GNA14: variants seen among roughly 807,000 people sequenced by gnomAD.
GNA14 encodes the protein G protein subunit alpha 14.
A neutral mutation model predicts 42.0 loss-of-function variants in GNA14; 50 were observed. That is an observed-to-expected ratio of 1.19 (90% CI 0.95 to 1.51). The LOEUF (loss-of-function observed/expected upper bound fraction) is 1.51, where lower values mean the gene tolerates loss of function less well. GNA14 is among the 40% of genes most tolerant of loss of function. The pLI, the probability that GNA14 is intolerant of heterozygous loss-of-function variation, is 0.00. For missense variants in GNA14, 473 were observed against 446.2 expected, an observed-to-expected ratio of 1.06 and a Z score of -0.54; for synonymous variants, 173 against 163.1, an observed-to-expected ratio of 1.06 and a Z score of -0.46.
intron 2 of GNA14, among the ~76,000 whole-genome samples, chr9:77,487,363 A>T (rs892090371): frequency 3.9e-5 from 6 of 152,202 alleles, no homozygotes; most frequent in African/African-American, 1.2e-4. Flanking sequence ...CAGAATTTTT[A>T]AAAATATTAT....
chr9:77,434,684 C>A (rs995507660), intron 2 of GNA14, among the ~76,000 whole-genome samples, 162 bp from the exon 3 acceptor site: 2 of 152,160 alleles, frequency 1.3e-5, no homozygotes, highest in Admixed American at 1.3e-4. Flanking sequence ...CCAAGACACC[C>A]ACTGCAGCCA....
chr9:77,442,069 A>C lies in GNA14; in HGVS notation c.310-7547T>G, dbSNP rs568115602. ...CAAAATATTTTGCAAATATGCTTGA[A>C]AGTAGTAGAAAGCTAATGCAGGCCT... is the stretch of plus-strand genomic sequence containing the variant. On this transcript the variant is annotated intron_variant, in intron 2 of 6. Transcript: ENST00000341700. 2.0e-5 allele frequency among the ~76,000 whole-genome samples: 3 copies of C among 152,356 alleles called. No homozygotes were observed. In the South Asian group the frequency reaches 6.2e-4, roughly 32 times the overall value.
intron 2 of GNA14, among the ~76,000 whole-genome samples, chr9:77,501,623 A>G (rs1836972264): frequency 6.6e-6 from 1 of 151,792 alleles, no homozygotes; most frequent in Non-Finnish European, 1.5e-5. Flanking sequence ...TGGCTTGGAA[A>G]TATTTTCTCC....
chr9:77,477,230 A>C (rs902753704), intron 2 of GNA14, among the ~76,000 whole-genome samples: 5 of 152,070 alleles, frequency 3.3e-5, no homozygotes, highest in Non-Finnish European at 5.9e-5. Context: ...GCTGGCGTGC[A>C]CCAGTACTCA....
At chr9:77,634,695 TC>T (rs1286469137) in intron 1 of GNA14, among the ~76,000 whole-genome samples, 2 of 152,238 alleles carry the variant, frequency 1.3e-5, no homozygotes, top group African/African-American at 2.4e-5. Flanking sequence ...AGGCCTGTGT[TC>T]CTTTTATGAA....
chr9:77,429,071 G>A, intron 4 of GNA14, 35 bp from the exon 5 acceptor site: 1 of 1,610,016 alleles, frequency 6.2e-7, no homozygotes, highest in Non-Finnish European at 8.5e-7. Flanking sequence ...TCAAAGGTTG[G>A]AATACATGAC....
At chr9:77,580,334 T>C in intron 1 of GNA14, 1 of 344,674 alleles carries the variant, frequency 2.9e-6, no homozygotes, top group Non-Finnish European at 6.1e-6. Context: ...CCCGAATAGG[T>C]ACAATTTACA....
intron 2 of GNA14, among the ~76,000 whole-genome samples, chr9:77,478,823 C>CT (rs1288897669): frequency 1.3e-4 from 20 of 152,082 alleles, no homozygotes; most frequent in Non-Finnish European, 2.8e-4. Context: ...GCATTAATGT[C>CT]TTTTTTTGAG....
intron 2 of GNA14, among the ~76,000 whole-genome samples, chr9:77,463,128 CAG>C (rs1836145145): frequency 6.6e-6 from 1 of 152,190 alleles, no homozygotes; most frequent in South Asian, 2.1e-4. Flanking sequence ...TTTCCAAATA[CAG>C]AGTCCTACTG....
chr9:77,437,774 T>C (rs1481580535), intron 2 of GNA14, among the ~76,000 whole-genome samples: 1 of 152,164 alleles, frequency 6.6e-6, no homozygotes, highest in Non-Finnish European at 1.5e-5. Context: ...CCTAAGTGAC[T>C]ACAATGAACA....
At position 77,464,867 on chromosome 9, in the gene GNA14, TAAG is replaced by T. The variant is rs1193534493; in HGVS notation, c.310-30348_310-30346del. Among the ~76,000 whole-genome samples the T allele has an allele frequency of 7.2e-5, 11 of 152,150 alleles. No homozygotes were observed. The South Asian group carries it at 2.1e-3, about 29-fold the overall frequency. On this transcript the variant is annotated intron_variant, in intron 2 of 6. Coordinates refer to ENST00000341700, the MANE Select transcript of GNA14 (RefSeq NM_004297.4). ...TATTCTAATACAAGCAGTGTTTTTTTAAGAAGAGGGAAACTTGGACATGGACAC... is the reference window on the plus strand; with the variant it reads ...TATTCTAATACAAGCAGTGTTTTTTTAAGAGGGAAACTTGGACATGGACAC...
intron 5 of GNA14, among the ~76,000 whole-genome samples, chr9:77,428,235 C>A (rs1029883878): frequency 2.6e-5 from 4 of 151,892 alleles, no homozygotes; most frequent in African/African-American, 9.7e-5. Flanking sequence ...CCCACCACCA[C>A]GCCCGGCTAA....
At chr9:77,607,581 A>C (rs1823660337) in intron 1 of GNA14, among the ~76,000 whole-genome samples, 1 of 152,226 alleles carries the variant, frequency 6.6e-6, no homozygotes, top group Admixed American at 6.5e-5. Flanking sequence ...CAAGGAAACC[A>C]ACTCTAAGAA....
rs769241154 is a variant in GNA14 at position 77,424,000 on chromosome 9, T to G, written c.1047A>C (p.Leu349=). Residue 349 remains leucine (L), a synonymous_variant, in exon 7 of 7, where the codon CTA becomes CTC. Coordinates refer to ENST00000341700, the MANE Select transcript of GNA14 (RefSeq NM_004297.4). The part of the protein sequence containing the change: ...AVKDTILQLN[L]REFNLV Reference sequence around the variant, plus strand: ...GCTTTTAGACAAGGTTGAATTCCCTTAGGTTTAGCTGTAGAATTGTGTCTT... The same window carrying G: ...GCTTTTAGACAAGGTTGAATTCCCTGAGGTTTAGCTGTAGAATTGTGTCTT... 1 of 1,603,296 alleles carries G rather than the reference T, an allele frequency of 6.2e-7. No homozygotes were observed. The highest frequency in any genetic ancestry group is 8.5e-7 in the Non-Finnish European group (1 of 1,173,938).
intron 1 of GNA14, among the ~76,000 whole-genome samples, chr9:77,535,510 T>C (rs73460049): frequency 0.023 from 3,451 of 152,072 alleles, 157 homozygotes; most frequent in African/African-American, 0.077. Flanking sequence ...GATCGCGCCA[T>C]TGCACTCCAG....
chr9:77,467,908 A>G (rs1034546788), intron 2 of GNA14, among the ~76,000 whole-genome samples: 1 of 152,182 alleles, frequency 6.6e-6, no homozygotes, highest in African/African-American at 2.4e-5. Context: ...CATCCATTAA[A>G]GCACACTCAG....
chr9:77,646,483 G>A (rs540570232), intron 1 of GNA14, among the ~76,000 whole-genome samples: 1 of 152,242 alleles, frequency 6.6e-6, no homozygotes, highest in South Asian at 2.1e-4. Context: ...TTAAACCCAG[G>A]GGATAAGGAT....
intron 1 of GNA14, among the ~76,000 whole-genome samples, chr9:77,605,835 T>A (rs1360638106): frequency 6.6e-6 from 1 of 152,244 alleles, no homozygotes; most frequent in Non-Finnish European, 1.5e-5. Context: ...AGCTTGAAAT[T>A]ATGAAGTTGA....
chr9:77,474,745 C>G (rs1160714155), intron 2 of GNA14, among the ~76,000 whole-genome samples: 1 of 152,154 alleles, frequency 6.6e-6, no homozygotes, highest in East Asian at 1.9e-4. Context: ...GGAAACAACA[C>G]AATACCCATA....
Sources: gnomAD v4.1 joint callset for allele counts (sites outside exome capture counted in the v4.1 genomes callset) on GRCh38, gnomAD v4.1.1 for gene constraint, MANE v1.5 for transcripts, NCBI Gene and HGNC (gene_info 2026-07-23, HGNC 2026-07-21) for gene names.